Variants in CIT observed in about 807,000 individuals in gnomAD.
CIT encodes the protein citron rho-interacting serine/threonine kinase, also known as citron Rho-interacting kinase.
CIT carries 79 observed loss-of-function variants against 272.7 expected under a neutral mutation model. The observed-to-expected ratio is 0.29, with a 90% CI of 0.24 to 0.35. The LOEUF is 0.35. Among genes scored for constraint, CIT ranks in the 10% least tolerant of loss-of-function variants. The probability of loss-of-function intolerance (pLI) is 1.00; values close to 1 mark genes in which losing one functional copy is unlikely to be tolerated. For synonymous variants in CIT, 948 were observed against 995.6 expected (o/e 0.95, Z 0.90); for missense variants, 1,909 against 2,618.3 (o/e 0.73, Z 5.91).
At chr12:119,845,413 G>C (rs1027297106) in intron 5 of CIT, among the ~76,000 whole-genome samples, 4 of 152,136 alleles carry the variant, frequency 2.6e-5, no homozygotes, top group African/African-American at 9.7e-5. Flanking sequence ...ATCACTCTGG[G>C]AGGCTGAGGC....
Position 119,862,809 on chromosome 12 carries a change from A to T in CIT, c.239-5111T>A, listed in dbSNP as rs1264206700. Among the ~76,000 whole-genome samples, 3 of 62,406 alleles carry T rather than the reference A, an allele frequency of 4.8e-5. No individual in the cohort carries two copies. The East Asian group carries it at 1.3e-3, about 26-fold the overall frequency. 40.9% of individuals were successfully genotyped at this position (62,406 alleles called of 152,430 possible). ...TGGGTGACAGAGCAAGACTCTACCT[A>T]AAAAAAAAAAAAAAAAAAAAAAAAA... On this transcript the variant is annotated intron_variant, in intron 3 of 47. Coordinates refer to ENST00000392521, the MANE Select transcript of CIT (RefSeq NM_001206999.2).
intron 25 of CIT, 24 bp from the exon 26 acceptor site, chr12:119,734,381 G>C (rs1233409274): frequency 7.5e-6 from 12 of 1,607,606 alleles, no homozygotes; most frequent in Non-Finnish European, 1.0e-5. Flanking sequence ...GCACTGATTT[G>C]TGCCTTGTCT....
intron 19 of CIT, among the ~76,000 whole-genome samples, chr12:119,764,607 C>CAAAA (rs747882945): frequency 5.0e-5 from 3 of 59,466 alleles, no homozygotes; most frequent in African/African-American, 1.2e-4. Flanking sequence ...GATCCTGTCT[C>CAAAA]AAAAAAAAAA....
intron 13 of CIT, 113 bp downstream of exon 13, chr12:119,782,405 C>A: frequency 8.0e-7 from 1 of 1,256,044 alleles, no homozygotes; most frequent in Non-Finnish European, 1.1e-6. Flanking sequence ...CACTCTGCCC[C>A]CACCCTTTCT....
chr12:119,803,406 A>G lies in CIT; in HGVS notation c.1112-17T>C, dbSNP rs778616975. 1.3e-6 allele frequency: 2 copies of G among 1,525,488 alleles called. No homozygotes were observed. Among genetic ancestry groups the G allele is most frequent in the South Asian group, 2.5e-5 (2 of 79,548 alleles). 94.5% of individuals were successfully genotyped at this position (1,525,488 alleles called of 1,614,324 possible). A position where few individuals can be genotyped will look rare whatever the true frequency, so the allele number is the denominator to read the frequency against. ...GGGGAGGAGCTGGTTAAAGAAAAAC[A>G]AGAAAGGAGGCGGGGAGGAAAAAAA... is the stretch of plus-strand genomic sequence containing the variant. On this transcript the variant is annotated splice_polypyrimidine_tract_variant and intron_variant, in intron 9 of 47. Coordinates refer to ENST00000392521, the MANE Select transcript of CIT (RefSeq NM_001206999.2).
At chr12:119,722,010 G>T (rs183360010) in intron 28 of CIT, among the ~76,000 whole-genome samples, 1 of 152,114 alleles carries the variant, frequency 6.6e-6, no homozygotes, top group Non-Finnish European at 1.5e-5. Flanking sequence ...TTTCTACAAC[G>T]TTGGGGGAAA....
chr12:119,843,756 G>C (rs994761035), intron 5 of CIT, among the ~76,000 whole-genome samples: 2 of 151,976 alleles, frequency 1.3e-5, no homozygotes, highest in African/African-American at 2.4e-5. Flanking sequence ...GTTGCAGTGA[G>C]CCAAGATCGC....
chr12:119,721,543 C>T, intron 28 of CIT, 94 bp from the exon 29 acceptor site: 1 of 1,177,008 alleles, frequency 8.5e-7, no homozygotes, highest in South Asian at 2.0e-5. Flanking sequence ...TCAGGCATGG[C>T]ACCAGAAGTA....
At chr12:119,861,257 C>T (rs1241001448) in intron 3 of CIT, among the ~76,000 whole-genome samples, 1 of 151,978 alleles carries the variant, frequency 6.6e-6, no homozygotes, top group South Asian at 2.1e-4. Flanking sequence ...TATTGAGGTA[C>T]TGAGGTAGAG....
At chr12:119,736,880 C>T (rs1305525315) in intron 24 of CIT, among the ~76,000 whole-genome samples, 3 of 152,132 alleles carry the variant, frequency 2.0e-5, no homozygotes, top group South Asian at 2.1e-4. Flanking sequence ...CCTCCCCCTA[C>T]CTCTTTCCCA....
intron 19 of CIT, 61 bp downstream of exon 19, chr12:119,767,026 G>A (rs997032588): frequency 5.8e-5 from 72 of 1,232,096 alleles, no homozygotes; most frequent in Non-Finnish European, 7.9e-5. Flanking sequence ...GGCCCAGGAA[G>A]AGATGGGAGC....
chr12:119,689,568 A>T (rs1363715989), intron 47 of CIT, among the ~76,000 whole-genome samples: 1 of 151,810 alleles, frequency 6.6e-6, no homozygotes, highest in Non-Finnish European at 1.5e-5. Context: ...GCCTCTGGAG[A>T]AGGGAAAACA....
Position 119,850,155 on chromosome 12 carries a change from G to A in CIT, c.516+19C>T. 1.4e-6 allele frequency: 2 copies of A among 1,440,232 alleles called. No individual in the cohort carries two copies. Among genetic ancestry groups the A allele is most frequent in the East Asian group, 4.5e-5 (2 of 44,012 alleles). 89.2% of individuals were successfully genotyped at this position (1,440,232 alleles called of 1,614,324 possible). On this transcript the variant is annotated intron_variant, in intron 5 of 47. Coordinates refer to ENST00000392521, the MANE Select transcript of CIT (RefSeq NM_001206999.2). ...CAGAGTGCTAGGCTAATTCCAGAGA[G>A]ACAGATGTAAAGACTCACCAGATAA...
At chr12:119,749,660 A>C (rs1214286467) in intron 23 of CIT, among the ~76,000 whole-genome samples, 2 of 152,156 alleles carry the variant, frequency 1.3e-5, no homozygotes, top group Admixed American at 1.3e-4. Context: ...TGTTTTTTCC[A>C]CAGCATCTTC....
chr12:119,866,131 C>A (rs987940768), intron 3 of CIT, among the ~76,000 whole-genome samples: 9 of 151,970 alleles, frequency 5.9e-5, no homozygotes, highest in African/African-American at 1.7e-4. Flanking sequence ...AAAGCAGAGC[C>A]AAGTTAGAAT....
intron 10 of CIT, among the ~76,000 whole-genome samples, chr12:119,785,284 T>C (rs886074078): frequency 1.3e-5 from 2 of 152,146 alleles, no homozygotes; most frequent in African/African-American, 4.8e-5. Context: ...GCAGATGGGA[T>C]TTAAGTTATG....
chr12:119,776,925 C>G, intron 13 of CIT, 83 bp from the exon 14 acceptor site: 1 of 1,421,076 alleles, frequency 7.0e-7, no homozygotes, highest in East Asian at 2.3e-5. Flanking sequence ...GAGTATTAAC[C>G]ACACAGGGAA....
intron 3 of CIT, among the ~76,000 whole-genome samples, chr12:119,867,216 G>A (rs1950541244): frequency 6.6e-6 from 1 of 151,316 alleles, no homozygotes; most frequent in Admixed American, 6.6e-5. Flanking sequence ...TTAAGACAGA[G>A]TCTCACTCAT....
At chr12:119,742,590 T>C in intron 23 of CIT, 126 bp from the exon 24 acceptor site, 1 of 606,840 alleles carries the variant, frequency 1.6e-6, no homozygotes. Context: ...CATCTGTTTT[T>C]CTAAGAACTA....
Sources: allele counts gnomAD v4.1 joint callset (sites outside exome capture counted in the v4.1 genomes callset), GRCh38; gene constraint gnomAD v4.1.1; transcripts MANE v1.5; gene names NCBI Gene and HGNC (gene_info 2026-07-23, HGNC 2026-07-21).